TRPM3: variants seen among roughly 807,000 people sequenced by gnomAD.
TRPM3 encodes the protein long transient receptor potential channel 3.
Under a neutral mutation model 181.2 loss-of-function variants are expected in TRPM3, and 77 were observed. The observed-to-expected ratio is 0.42, with a 90% confidence interval of 0.35 to 0.51. TRPM3 has a LOEUF of 0.51. TRPM3 is among the 20% of genes least tolerant of loss of function. The pLI, the probability that TRPM3 is intolerant of heterozygous loss-of-function variation, is 0.01. For missense variants in TRPM3, 1,759 were observed against 2,196.7 expected (o/e 0.80, Z 3.98); for synonymous variants, 745 against 796.4 (o/e 0.94, Z 1.09).
At chr9:71,202,007 G>A (rs907691765) in intron 1 of TRPM3, among the ~76,000 whole-genome samples, 3 of 152,122 alleles carry the variant, frequency 2.0e-5, no homozygotes, top group African/African-American at 4.8e-5. Context: ...ATGGGTTTTT[G>A]GTGTGGATGT....
At chr9:71,257,078 C>G (rs553155937) in intron 1 of TRPM3, among the ~76,000 whole-genome samples, 2 of 152,290 alleles carry the variant, frequency 1.3e-5, no homozygotes, top group East Asian at 3.9e-4. Context: ...GCAGAGCACT[C>G]TGGGAAATAT....
chr9:71,091,693 T>C (rs2066249052), intron 1 of TRPM3, among the ~76,000 whole-genome samples: 1 of 152,102 alleles, frequency 6.6e-6, no homozygotes, highest in African/African-American at 2.4e-5. Flanking sequence ...CTGGTTGAGA[T>C]TGAATTTACT....
intron 1 of TRPM3, among the ~76,000 whole-genome samples, chr9:71,056,553 A>G (rs2060680092): frequency 6.6e-6 from 1 of 152,074 alleles, no homozygotes; most frequent in Admixed American, 6.6e-5. Context: ...CTAGTACTGC[A>G]GAATGTGACT....
intron 1 of TRPM3, among the ~76,000 whole-genome samples, chr9:70,959,318 AT>A (rs201947707): frequency 1.1e-3 from 172 of 152,206 alleles, no homozygotes; most frequent in East Asian, 5.4e-3. Flanking sequence ...AACAATAAAC[AT>A]GATAATAATA....
In TRPM3 at chr9:70,639,197, G is replaced by A. The variant is rs1292304788; in HGVS notation, c.1447-3C>T. ...ATGGCTTGCTCCAGAGATCCCACCT[G>A]CAAACCAAGTCACTGAGTTAGTCTG... On this transcript the variant is annotated splice_polypyrimidine_tract_variant and splice_region_variant and intron_variant, in intron 10 of 25. Coordinates refer to ENST00000677713, the MANE Select transcript of TRPM3 (RefSeq NM_001366145.2). The A allele has an allele frequency of 1.9e-6, 3 of 1,613,368 alleles. No homozygotes were observed. The highest frequency in any genetic ancestry group is 2.5e-6 in the Non-Finnish European group (3 of 1,179,774).
intron 1 of TRPM3, among the ~76,000 whole-genome samples, chr9:71,364,620 T>G (rs1402883642): frequency 6.6e-6 from 1 of 152,230 alleles, no homozygotes; most frequent in Non-Finnish European, 1.5e-5. Context: ...GACAAGGAAG[T>G]GATTTTTAAA....
intron 1 of TRPM3, among the ~76,000 whole-genome samples, chr9:71,312,124 A>G (rs2088010362): frequency 6.6e-6 from 1 of 152,200 alleles, no homozygotes; most frequent in Non-Finnish European, 1.5e-5. Context: ...CAAGAGAATG[A>G]GAAGACAAGA....
intron 1 of TRPM3, among the ~76,000 whole-genome samples, chr9:71,042,801 G>A (rs1360745537): frequency 3.3e-5 from 5 of 152,094 alleles, no homozygotes; most frequent in African/African-American, 4.8e-5. Context: ...GAATAAGAAA[G>A]GAAAAACGTA....
chr9:70,868,990 G>A, intron 1 of TRPM3: 2 of 985,048 alleles, frequency 2.0e-6, no homozygotes, highest in Non-Finnish European at 2.4e-6. Flanking sequence ...TTTTACCTGA[G>A]CACTGATTCT....
intron 1 of TRPM3, among the ~76,000 whole-genome samples, chr9:71,203,301 T>C (rs568380114): frequency 6.6e-6 from 1 of 152,326 alleles, no homozygotes; most frequent in South Asian, 2.1e-4. Context: ...CTGGAAAATA[T>C]CCCTTTCACA....
At chr9:71,031,429 G>A (rs1209949577) in intron 1 of TRPM3, among the ~76,000 whole-genome samples, 1 of 152,114 alleles carries the variant, frequency 6.6e-6, no homozygotes, top group Non-Finnish European at 1.5e-5. Flanking sequence ...TAATAAGATA[G>A]TGACAACTCC....
chr9:70,764,167 A>T (rs2078667322), intron 7 of TRPM3, among the ~76,000 whole-genome samples: 1 of 152,170 alleles, frequency 6.6e-6, no homozygotes, highest in South Asian at 2.1e-4. Flanking sequence ...AAGCAGAAGG[A>T]TGGCATGATC....
chr9:71,365,930 T>C lies in TRPM3; in HGVS notation c.183+80723A>G, dbSNP rs889200379. On this transcript the variant is annotated intron_variant, in intron 1 of 24. Coordinates refer to the TRPM3 transcript ENST00000357533. ...AATATTTAATAGTATACCCACATGA[T>C]AAATGACATGAAACAAAGTAAAATA... Among the ~76,000 whole-genome samples the C allele has an allele frequency of 2.6e-5, 4 of 151,790 alleles. No individual in the cohort carries two copies. The East Asian group carries it at 7.7e-4, about 29-fold the overall frequency.
chr9:71,334,280 C>T (rs1470420592), intron 1 of TRPM3, among the ~76,000 whole-genome samples: 1 of 151,604 alleles, frequency 6.6e-6, no homozygotes, highest in Non-Finnish European at 1.5e-5. Flanking sequence ...TCATGTGTTT[C>T]TACAGAATAC....
intron 1 of TRPM3, among the ~76,000 whole-genome samples, chr9:71,237,728 T>C (rs1018920540): frequency 9.2e-5 from 14 of 152,188 alleles, no homozygotes; most frequent in Non-Finnish European, 2.1e-4. Context: ...ATATCTGAAC[T>C]GGGAAATTTA....
chr9:71,331,535 G>C (rs557982990), intron 1 of TRPM3, among the ~76,000 whole-genome samples: 1 of 151,510 alleles, frequency 6.6e-6, no homozygotes, highest in African/African-American at 2.4e-5. Context: ...TTATAATCTT[G>C]CAAGAAGAAC....
intron 20 of TRPM3, among the ~76,000 whole-genome samples, chr9:70,600,005 CTG>C (rs1423583077): frequency 6.6e-6 from 1 of 152,222 alleles, no homozygotes; most frequent in Non-Finnish European, 1.5e-5. Flanking sequence ...AACAGACTGA[CTG>C]TTGTGTAGGC....
chr9:71,323,526 G>C (rs2089429936), intron 1 of TRPM3, among the ~76,000 whole-genome samples: 1 of 152,016 alleles, frequency 6.6e-6, no homozygotes, highest in Non-Finnish European at 1.5e-5. Flanking sequence ...TTGTCTGCAA[G>C]CTTTCCACCC....
intron 1 of TRPM3, among the ~76,000 whole-genome samples, chr9:70,874,921 CATTTTT>C (rs2095846747): frequency 6.6e-6 from 1 of 151,706 alleles, no homozygotes; most frequent in Non-Finnish European, 1.5e-5. Context: ...ATATGCACAC[CATTTTT>C]ATTTTTATTT....
Sources: allele counts gnomAD v4.1 joint callset (sites outside exome capture counted in the v4.1 genomes callset), GRCh38; gene constraint gnomAD v4.1.1; transcripts MANE v1.5; gene names NCBI Gene and HGNC (gene_info 2026-07-23, HGNC 2026-07-21).